Variants in ZFPM2 observed in about 807,000 individuals in gnomAD.
The protein encoded by ZFPM2 is zinc finger protein ZFPM2.
ZFPM2 carries 20 observed loss-of-function variants against 98.6 expected under a neutral mutation model. The ratio of observed to expected loss-of-function variants is 0.20; its 90% CI spans 0.14 to 0.29. The LOEUF (loss-of-function observed/expected upper bound fraction) is 0.29, where lower values mean the gene tolerates loss of function less well. Among genes scored for constraint, ZFPM2 ranks in the 10% least tolerant of loss-of-function variants. The pLI is 1.00. For missense variants in ZFPM2, 1,310 were observed against 1,388.6 expected (o/e 0.94, Z 0.90); for synonymous variants, 518 against 502.7 (o/e 1.03, Z -0.41).
chr8:105,577,849 G>A (rs1421362171), intron 4 of ZFPM2, among the ~76,000 whole-genome samples: 1 of 151,526 alleles, frequency 6.6e-6, no homozygotes. Flanking sequence ...GATCTTTTGT[G>A]AGTTTTTATT....
intron 5 of ZFPM2, among the ~76,000 whole-genome samples, chr8:105,748,566 G>A (rs555807930): frequency 2.6e-5 from 4 of 152,102 alleles, no homozygotes; most frequent in African/African-American, 7.2e-5. Flanking sequence ...ATTGAGGGTC[G>A]TTTGAAAGGT....
chr8:105,425,394 G>C (rs1811887891), intron 2 of ZFPM2, among the ~76,000 whole-genome samples: 1 of 152,214 alleles, frequency 6.6e-6, no homozygotes, highest in Admixed American at 6.5e-5. Flanking sequence ...CCAAGGGCTT[G>C]ATGAGACTCC....
chr8:105,478,674 G>T (rs1813057712), intron 3 of ZFPM2, among the ~76,000 whole-genome samples: 1 of 152,168 alleles, frequency 6.6e-6, no homozygotes, highest in South Asian at 2.1e-4. Flanking sequence ...GAGACACAGA[G>T]AACTATAGAT....
intron 4 of ZFPM2, among the ~76,000 whole-genome samples, chr8:105,591,443 A>G (rs1157431391): frequency 3.3e-5 from 5 of 152,220 alleles, no homozygotes; most frequent in Non-Finnish European, 5.9e-5. Context: ...TGGAACTTAT[A>G]TAGACAGTAC....
rs76201808 is a variant in ZFPM2, at chr8:105,550,518, A to G, written c.302-10845A>G. On this transcript the variant is annotated intron_variant, in intron 3 of 7. Transcript: ENST00000407775. ...CAATATGATGATAAAAATTATACCT[A>G]CTCTTTTTACTTCCTATAGCCCTAC... Among the ~76,000 whole-genome samples, 429 of 152,058 alleles carry G rather than the reference A, an allele frequency of 2.8e-3. 2 individuals are homozygous for G. Among genetic ancestry groups the G allele is most frequent in the African/African-American group, 0.01 (419 of 41,470 alleles).
intron 5 of ZFPM2, among the ~76,000 whole-genome samples, chr8:105,761,724 T>C (rs1184088640): frequency 6.6e-6 from 1 of 151,920 alleles, no homozygotes; most frequent in Non-Finnish European, 1.5e-5. Context: ...CTGAAAAAAA[T>C]ACATTTAACT....
intron 4 of ZFPM2, among the ~76,000 whole-genome samples, chr8:105,629,875 A>G (rs1187405672): frequency 6.6e-6 from 1 of 152,092 alleles, no homozygotes; most frequent in Non-Finnish European, 1.5e-5. Flanking sequence ...CTTGCCTTTC[A>G]CTTCTAATTC....
intron 5 of ZFPM2, among the ~76,000 whole-genome samples, chr8:105,699,202 G>A (rs1331269741): frequency 5.3e-5 from 8 of 151,998 alleles, no homozygotes; most frequent in African/African-American, 1.9e-4. Context: ...ATTTTCCTTT[G>A]TAATAAATGG....
Position 105,803,476 on chromosome 8 carries a change from T to A in ZFPM2, c.3394T>A (p.Ser1132Thr), listed in dbSNP as rs1363505393. The change falls in exon 8 of 8, where the codon TCA becomes ACA. Residue 1132 changes from serine to threonine, a missense_variant. Ser to Thr is a moderately conservative substitution (Grantham distance 58). Transcript: ENST00000407775. ...ATGTGATATCCAGTTCAACAACCTT[T>A]CAAACTTTATAACTCACAAGAAGTT... The part of the protein sequence containing the change: ...RLCDIQFNNL[S>T]NFITHKKFYC... The A allele has an allele frequency of 6.2e-7, 1 of 1,613,242 alleles. No individual in the cohort carries two copies. The highest frequency in any genetic ancestry group is 1.3e-5 in the African/African-American group (1 of 74,918).
chr8:105,556,339 G>A (rs73697384), intron 3 of ZFPM2, among the ~76,000 whole-genome samples: 20,535 of 152,182 alleles, frequency 0.13, 1,522 homozygotes, highest in Non-Finnish European at 0.17. Flanking sequence ...GGTTGGATGT[G>A]ATAATGGAAG....
At chr8:105,426,564 A>C (rs1030214594) in intron 2 of ZFPM2, among the ~76,000 whole-genome samples, 19 of 152,142 alleles carry the variant, frequency 1.2e-4, no homozygotes, top group Non-Finnish European at 2.4e-4. Flanking sequence ...TTTTTCTTGA[A>C]ATTTATTTTA....
rs374648652 is a variant in ZFPM2 at position 105,518,607 on chromosome 8, AGAAAAATAG to A, written c.302-42753_302-42745del. ...GCCACATAACTGCTATAAGCAGAGA[AGAAAAATAG>A]GAGGAGTTGGCCTGAAAGGAGGTGT... On this transcript the variant is annotated intron_variant, in intron 3 of 7. Coordinates refer to ENST00000407775, the MANE Select transcript of ZFPM2 (RefSeq NM_012082.4). Among the ~76,000 whole-genome samples the A allele has an allele frequency of 3.9e-5, 6 of 152,336 alleles. No homozygotes were observed. The South Asian group carries it at 1.0e-3, about 26-fold the overall frequency.
At chr8:105,641,653 C>T (rs1816950750) in intron 5 of ZFPM2, among the ~76,000 whole-genome samples, 1 of 152,020 alleles carries the variant, frequency 6.6e-6, no homozygotes, top group Non-Finnish European at 1.5e-5. Flanking sequence ...ACTGTTTTTA[C>T]TGTTATGTTA....
intron 5 of ZFPM2, among the ~76,000 whole-genome samples, chr8:105,730,026 C>A (rs1191578417): frequency 6.6e-6 from 1 of 151,436 alleles, no homozygotes; most frequent in Admixed American, 6.6e-5. Flanking sequence ...TTTTCATTCA[C>A]TTACCTACTT....
At chr8:105,642,167 A>G (rs1303919029) in intron 5 of ZFPM2, among the ~76,000 whole-genome samples, 1 of 152,018 alleles carries the variant, frequency 6.6e-6, no homozygotes, top group African/African-American at 2.4e-5. Context: ...TCAGGGTAAG[A>G]TACTGAGAAT....
intron 3 of ZFPM2, among the ~76,000 whole-genome samples, chr8:105,481,483 C>T (rs1338305404): frequency 9.2e-5 from 14 of 152,070 alleles, no homozygotes; most frequent in Admixed American, 7.9e-4. Context: ...CTTTCTCTTC[C>T]TCCTCTTATA....
intron 5 of ZFPM2, chr8:105,784,840 A>T (rs1480961526): frequency 6.9e-6 from 1 of 145,668 alleles, no homozygotes; most frequent in African/African-American, 2.8e-5. Context: ...CAGTAATTGA[A>T]GTTACGTTAC....
At chr8:105,671,010 T>G (rs944915641) in intron 5 of ZFPM2, among the ~76,000 whole-genome samples, 9 of 152,160 alleles carry the variant, frequency 5.9e-5, no homozygotes, top group Admixed American at 5.2e-4. Flanking sequence ...ATTGGATGTA[T>G]TGTTAGTTTA....
chr8:105,494,183 G>GTATATATATATATATATATA (rs61035457), intron 3 of ZFPM2, among the ~76,000 whole-genome samples: 2 of 60,006 alleles, frequency 3.3e-5, no homozygotes, highest in Non-Finnish European at 6.6e-5. Context: ...GCCACCAAAA[G>GTATATATATATATATATATA]TATATATATA....
Sources: gnomAD v4.1 joint callset for allele counts (sites outside exome capture counted in the v4.1 genomes callset) on GRCh38, gnomAD v4.1.1 for gene constraint, MANE v1.5 for transcripts, NCBI Gene and HGNC (gene_info 2026-07-23, HGNC 2026-07-21) for gene names.